The following PAPPA2 variants were observed in gnomAD, a reference collection of about 807,000 sequenced individuals.
PAPPA2 encodes the protein pappalysin 2.
A neutral mutation model predicts 176.4 loss-of-function variants in PAPPA2; 86 were observed. The observed-to-expected ratio is 0.49, with a 90% confidence interval of 0.41 to 0.58. PAPPA2 has a LOEUF of 0.58. PAPPA2 is among the 20% of genes least tolerant of loss of function. The pLI is 0.00. For synonymous variants in PAPPA2, 809 were observed against 852.2 expected (o/e 0.95, Z 0.88); for missense variants, 2,073 against 2,256.9 (o/e 0.92, Z 1.65).
At chr1:176,686,935 T>A (rs1192594916) in intron 4 of PAPPA2, among the ~76,000 whole-genome samples, 1 of 152,184 alleles carries the variant, frequency 6.6e-6, no homozygotes, top group Non-Finnish European at 1.5e-5. Flanking sequence ...TCCAGAGGGA[T>A]AATTTTATAA....
rs1323044465 is a variant in PAPPA2, at chr1:176,711,975, G to C, written c.3792G>C (p.Trp1264Cys). 2.5e-6 allele frequency: 4 copies of C among 1,610,736 alleles called. No homozygotes were observed. In the African/African-American group the frequency reaches 5.3e-5, roughly 22 times the overall value. ...GCCTGAAGAAAGAGGATGAGGTTTG[G>C]CTCAAAGTAAGTGGCCCAAATGTTT... is the stretch of plus-strand genomic sequence containing the variant. ...EGSLKKEDEV[W>C]LKVCFNRPGE... is the part of the protein sequence containing the mutation. The change falls in exon 12 of 23, where the codon TGG (tryptophan) becomes TGC (cysteine). Residue 1264 changes from tryptophan (W) to cysteine (C), a missense_variant. Around this residue, in one of 4 missense-constraint regions of PAPPA2, gnomAD observed 846 missense variants for 857.9 expected, o/e 0.99. Transcript: ENST00000367662.
In PAPPA2 at chr1:176,595,412, C is replaced by CAG; in HGVS notation, c.1809_1810insGA (p.Leu604AspfsTer34). 1 of 1,614,212 alleles carries CAG rather than the reference C, an allele frequency of 6.2e-7. No homozygotes were observed. The highest frequency in any genetic ancestry group is 1.1e-5 in the South Asian group (1 of 91,086). On this transcript the variant is annotated frameshift_variant, in exon 3 of 23. Transcript: ENST00000367662. LOFTEE classifies it high-confidence loss of function. ...CATTGTGACCCCGAGTGTGAGCACC[C>CAG]ACTCACAGGCTATGATGGGGGTGAC... is the stretch of plus-strand genomic sequence containing the variant.
intron 1 of PAPPA2, among the ~76,000 whole-genome samples, chr1:176,552,510 T>A (rs188464225): frequency 9.2e-5 from 14 of 151,706 alleles, no homozygotes; most frequent in Admixed American, 8.5e-4. Context: ...TCCCTCCCTT[T>A]CCCTCTCCGT....
At chr1:176,837,419 A>G (rs902527153) in intron 21 of PAPPA2, among the ~76,000 whole-genome samples, 1 of 150,760 alleles carries the variant, frequency 6.6e-6, no homozygotes, top group African/African-American at 2.4e-5. Flanking sequence ...GTTTTCCTAT[A>G]CAGTGAAAAT....
rs776126273 is a variant in PAPPA2 at position 176,840,303 on chromosome 1, A to T, written c.5301+32A>T. 3 of 1,549,262 alleles carry T rather than the reference A, an allele frequency of 1.9e-6. No homozygotes were observed. The Admixed American group carries it at 5.0e-5, about 26-fold the overall frequency. On this transcript the variant is annotated intron_variant, in intron 22 of 22. Transcript: ENST00000367662. ...GAGAGAACCTGGGGATGGGGGAGGCAGTGGCTTCAGGAATAAAGGCAGGGT... is the reference window on the plus strand; with the variant it reads ...GAGAGAACCTGGGGATGGGGGAGGCTGTGGCTTCAGGAATAAAGGCAGGGT...
At chr1:176,836,163 GCTT>G (rs1277553905) in intron 21 of PAPPA2, among the ~76,000 whole-genome samples, 2 of 152,166 alleles carry the variant, frequency 1.3e-5, no homozygotes, top group African/African-American at 4.8e-5. Flanking sequence ...TTGGAAAGGA[GCTT>G]CTTTGGGGCC....
chr1:176,618,733 A>G (rs1573136876), intron 3 of PAPPA2, among the ~76,000 whole-genome samples: 1 of 152,334 alleles, frequency 6.6e-6, no homozygotes, highest in East Asian at 1.9e-4. Context: ...CTTCGAGTTT[A>G]GTATGTGTGA....
chr1:176,533,511 A>G (rs1649919672), intron 1 of PAPPA2, among the ~76,000 whole-genome samples: 1 of 152,202 alleles, frequency 6.6e-6, no homozygotes, highest in Non-Finnish European at 1.5e-5. Flanking sequence ...TCTATTTGTT[A>G]TTCAACTGTA....
chr1:176,615,249 T>C (rs981314262), intron 3 of PAPPA2, among the ~76,000 whole-genome samples: 1 of 152,192 alleles, frequency 6.6e-6, no homozygotes, highest in Non-Finnish European at 1.5e-5. Flanking sequence ...CTGTAAGACT[T>C]TTTTGTCTGA....
chr1:176,740,159 A>C lies in PAPPA2; in HGVS notation c.4114A>C (p.Ile1372Leu). 6.2e-7 allele frequency: 1 copy of C among 1,613,820 alleles called. No individual in the cohort carries two copies. Among genetic ancestry groups the C allele is most frequent in the Non-Finnish European group, 8.5e-7 (1 of 1,179,844 alleles). ...RIGLSAPSNC[I>L]SEDEGQNHQG... ...TGGTCTTTCGGCTCCCAGTAACTGC[A>C]TCTCAGAGGACGAGGGGCAGAATCA... The change falls in exon 14 of 23, where the codon ATC becomes CTC. Residue 1372 changes from isoleucine to leucine, a missense_variant. This residue lies in a region of PAPPA2 where 846 missense variants were observed against 857.9 expected (regional missense o/e 0.99). Coordinates refer to ENST00000367662, the MANE Select transcript of PAPPA2 (RefSeq NM_020318.3).
At chr1:176,718,083 G>GA (rs1321231851) in intron 12 of PAPPA2, among the ~76,000 whole-genome samples, 3 of 151,838 alleles carry the variant, frequency 2.0e-5, no homozygotes, top group Admixed American at 6.6e-5. Flanking sequence ...TTTCTTTGAG[G>GA]AAAAAAATAC....
chr1:176,600,611 G>A (rs1310180160), intron 3 of PAPPA2, among the ~76,000 whole-genome samples: 2 of 145,254 alleles, frequency 1.4e-5, no homozygotes, highest in Non-Finnish European at 3.0e-5. Flanking sequence ...GGGAGGCGGA[G>A]CTTGCAGTGA....
At chr1:176,695,111 T>G (rs1450644167) in intron 6 of PAPPA2, among the ~76,000 whole-genome samples, 1 of 152,192 alleles carries the variant, frequency 6.6e-6, no homozygotes, top group Non-Finnish European at 1.5e-5. Context: ...TGTGGAATGG[T>G]GATCTGTTCA....
At chr1:176,835,953 G>A (rs1667256866) in intron 21 of PAPPA2, among the ~76,000 whole-genome samples, 4 of 152,236 alleles carry the variant, frequency 2.6e-5, no homozygotes, top group African/African-American at 7.2e-5. Context: ...GATGTTCTTT[G>A]CATTGTTTGG....
intron 1 of PAPPA2, among the ~76,000 whole-genome samples, chr1:176,476,526 C>T (rs1652134725): frequency 6.6e-6 from 1 of 152,132 alleles, no homozygotes; most frequent in African/African-American, 2.4e-5. Context: ...CTGAGTGGGC[C>T]AGGTCAGTAG....
intron 14 of PAPPA2, among the ~76,000 whole-genome samples, chr1:176,763,540 G>T (rs567049183): frequency 2.6e-5 from 4 of 152,228 alleles, no homozygotes; most frequent in African/African-American, 9.6e-5. Flanking sequence ...ATGAACAATC[G>T]TAACTTAGCA....
intron 2 of PAPPA2, among the ~76,000 whole-genome samples, chr1:176,561,107 A>T (rs960004972): frequency 5.3e-5 from 8 of 152,256 alleles, no homozygotes; most frequent in Admixed American, 5.2e-4. Flanking sequence ...CTGGCAACAG[A>T]TTCCATCTCT....
rs183277635 is a variant in PAPPA2 at position 176,594,764 on chromosome 1, G to C, written c.1160G>C (p.Ser387Thr). The C allele has an allele frequency of 1.2e-6, 2 of 1,614,246 alleles. No homozygotes were observed. The highest frequency in any genetic ancestry group is 4.5e-5 in the East Asian group (2 of 44,874). ...ALYVDGTQVA[S>T]SLDQSGPLNS... The stretch of plus-strand genomic sequence containing the variant: ...TATGTGGATGGCACTCAGGTGGCTA[G>C]CAGTCTAGACCAGTCTGGTCCCCTG... Residue 387 changes from serine (S) to threonine (T), a missense_variant, in exon 3 of 23, where the codon AGC (serine) becomes ACC (threonine). Ser to Thr is a moderately conservative substitution (Grantham distance 58). Around this residue, in one of 4 missense-constraint regions of PAPPA2, gnomAD observed 1,196 missense variants for 1,330.4 expected, o/e 0.90. Transcript: ENST00000367662.
chr1:176,590,595 T>C (rs934296586), intron 2 of PAPPA2, among the ~76,000 whole-genome samples: 1 of 152,212 alleles, frequency 6.6e-6, no homozygotes, highest in African/African-American at 2.4e-5. Flanking sequence ...CATGTGTTAT[T>C]TTATTTAATT....
Sources: allele counts gnomAD v4.1 joint callset (sites outside exome capture counted in the v4.1 genomes callset), GRCh38; gene constraint gnomAD v4.1.1; regional missense constraint gnomAD v4.1.1; transcripts MANE v1.5; gene names NCBI Gene and HGNC (gene_info 2026-07-23, HGNC 2026-07-21).